The following AFG2A variants were observed in gnomAD, a reference collection of about 807,000 sequenced individuals.
AFG2A encodes the protein AAA ATPase AFG2A.
the AFG2A span, among the ~76,000 whole-genome samples, chr4:123,037,827 C>G: frequency 6.6e-6 from 1 of 151,996 alleles, no homozygotes; most frequent in African/African-American, 2.4e-5. Context: ...AAAATCTTAA[C>G]GGGACATTTC....
chr4:122,923,853 G>A, the AFG2A span, among the ~76,000 whole-genome samples: 1 of 152,168 alleles, frequency 6.6e-6, no homozygotes, highest in Non-Finnish European at 1.5e-5. Context: ...TTTATAGAGG[G>A]AGGAAAGTTA....
At chr4:122,965,459 G>T in the AFG2A span, among the ~76,000 whole-genome samples, 1 of 152,224 alleles carries the variant, frequency 6.6e-6, no homozygotes, top group African/African-American at 2.4e-5. Context: ...TCATACGTTG[G>T]AAACAGTGTG....
chr4:123,217,941 A>T, the AFG2A span, among the ~76,000 whole-genome samples: 1 of 152,222 alleles, frequency 6.6e-6, no homozygotes, highest in Admixed American at 6.5e-5. Context: ...TCAGGATTAC[A>T]TCTGAGCTGA....
the AFG2A span, among the ~76,000 whole-genome samples, chr4:122,967,400 T>TAA: frequency 6.7e-6 from 1 of 149,350 alleles, no homozygotes; most frequent in Non-Finnish European, 1.5e-5. Context: ...CCTTGTCTCT[T>TAA]AAAAAAAAAA....
the AFG2A span, among the ~76,000 whole-genome samples, chr4:123,007,629 T>TACAC: frequency 1.2e-4 from 12 of 99,080 alleles, no homozygotes; most frequent in Middle Eastern, 5.9e-3. Context: ...TATATATATA[T>TACAC]ACACACACAC....
chr4:123,173,673 AT>A, the AFG2A span, among the ~76,000 whole-genome samples: 1 of 152,022 alleles, frequency 6.6e-6, no homozygotes, highest in East Asian at 1.9e-4. Flanking sequence ...TTAATATAGT[AT>A]TTTATCTAAG....
the AFG2A span, among the ~76,000 whole-genome samples, chr4:123,242,962 A>G: frequency 3.3e-5 from 5 of 152,248 alleles, no homozygotes; most frequent in African/African-American, 1.2e-4. Context: ...CCCTCAAAAG[A>G]AGACATTTAT....
chr4:122,947,503 C>T, the AFG2A span: 5 of 1,585,070 alleles, frequency 3.2e-6, no homozygotes, highest in South Asian at 2.3e-5. Context: ...GTGTGGTTTG[C>T]TATGGTGAGT....
the AFG2A span, among the ~76,000 whole-genome samples, chr4:123,219,160 G>A: frequency 6.6e-6 from 1 of 152,218 alleles, no homozygotes; most frequent in Non-Finnish European, 1.5e-5. Flanking sequence ...GTGGCTGAAA[G>A]CCTGAGAGCC....
At chr4:123,130,510 A>C in the AFG2A span, among the ~76,000 whole-genome samples, 1 of 152,206 alleles carries the variant, frequency 6.6e-6, no homozygotes, top group Admixed American at 6.5e-5. Context: ...ATATAAATGT[A>C]ATCATGCACA....
chr4:123,042,519 T>C, the AFG2A span, among the ~76,000 whole-genome samples: 1 of 152,180 alleles, frequency 6.6e-6, no homozygotes, highest in African/African-American at 2.4e-5. Context: ...AGCAGCACCA[T>C]ACAAAAACAG....
the AFG2A span, among the ~76,000 whole-genome samples, chr4:123,196,997 T>A: frequency 1.6e-3 from 249 of 152,250 alleles, 1 homozygote; most frequent in Middle Eastern, 0.014. Flanking sequence ...TTTAAAAGAA[T>A]AAATATCCTA....
the AFG2A span, chr4:122,923,145 G>A: frequency 6.2e-7 from 1 of 1,614,222 alleles, no homozygotes; most frequent in Non-Finnish European, 8.5e-7. Context: ...TTGTGACCAT[G>A]TCTTCCAAGA....
chr4:123,073,405 C>G, the AFG2A span, among the ~76,000 whole-genome samples: 1 of 151,766 alleles, frequency 6.6e-6, no homozygotes, highest in African/African-American at 2.4e-5. Flanking sequence ...TGTATACATG[C>G]TTAAAATTCT....
chr4:123,079,329 A>G, the AFG2A span, among the ~76,000 whole-genome samples: 7 of 152,206 alleles, frequency 4.6e-5, no homozygotes, highest in Admixed American at 2.6e-4. Flanking sequence ...CACACTTTCC[A>G]GTAAGACACT....
At chr4:123,093,945 A>G in the AFG2A span, among the ~76,000 whole-genome samples, 7 of 152,144 alleles carry the variant, frequency 4.6e-5, no homozygotes, top group African/African-American at 1.7e-4. Flanking sequence ...GCATCACATT[A>G]TTTATCTGTG....
the AFG2A span, among the ~76,000 whole-genome samples, chr4:123,228,277 T>G: frequency 5.9e-5 from 9 of 152,238 alleles, no homozygotes; most frequent in South Asian, 1.9e-3. Context: ...GTTAGCTGGT[T>G]ATTTTGCTCG....
the AFG2A span, among the ~76,000 whole-genome samples, chr4:123,093,537 A>G: frequency 2.0e-5 from 3 of 152,140 alleles, no homozygotes; most frequent in Non-Finnish European, 4.4e-5. Flanking sequence ...ACTTTGCCCC[A>G]TGTGGACTAG....
the AFG2A span, among the ~76,000 whole-genome samples, chr4:123,007,241 G>A: frequency 6.1e-4 from 93 of 152,134 alleles, 2 homozygotes; most frequent in Middle Eastern, 0.014. Flanking sequence ...CTCTATTGAG[G>A]TAGGGCCCTT....
Sources: gnomAD v4.1 joint callset for allele counts (sites outside exome capture counted in the v4.1 genomes callset) on GRCh38, gnomAD v4.1.1 for gene constraint, MANE v1.5 for transcripts, NCBI Gene and HGNC (gene_info 2026-07-23, HGNC 2026-07-21) for gene names.